PCCA: variants seen among roughly 807,000 people sequenced by gnomAD.
PCCA encodes propionyl-CoA carboxylase alpha chain, mitochondrial.
In PCCA, 74 loss-of-function variants were observed where a neutral mutation model predicts 101.3. The ratio of observed to expected loss-of-function variants is 0.73; its 90% confidence interval spans 0.61 to 0.89. The LOEUF (loss-of-function observed/expected upper bound fraction) is 0.89, where lower values mean the gene tolerates loss of function less well. PCCA is among the 40% of genes least tolerant of loss of function. The pLI is 0.00. For missense variants in PCCA, 891 were observed against 907.0 expected, an observed-to-expected ratio of 0.98 and a Z score of 0.23; for synonymous variants, 294 against 313.6, an observed-to-expected ratio of 0.94 and a Z score of 0.66.
chr13:100,111,673 G>A (rs1345725166), intron 2 of PCCA, among the ~76,000 whole-genome samples, 168 bp from the exon 3 acceptor site: 1 of 152,046 alleles, frequency 6.6e-6, no homozygotes. Context: ...AGTATTTATA[G>A]TACATTTAAT....
At chr13:100,309,969 C>T in intron 16 of PCCA, 61 bp downstream of exon 16, 1 of 1,196,060 alleles carries the variant, frequency 8.4e-7, no homozygotes, top group Non-Finnish European at 1.3e-6. Context: ...CAGAGAACAG[C>T]CTGGGGGTTT....
chr13:100,514,724 G>A (rs1199513110), intron 21 of PCCA, among the ~76,000 whole-genome samples: 6 of 152,120 alleles, frequency 3.9e-5, no homozygotes, highest in Admixed American at 6.5e-5. Flanking sequence ...TTGTCTGTGC[G>A]TATTTTCCAT....
At chr13:100,413,619 T>A (rs2078183830) in intron 19 of PCCA, among the ~76,000 whole-genome samples, 1 of 152,176 alleles carries the variant, frequency 6.6e-6, no homozygotes, top group South Asian at 2.1e-4. Context: ...GAGGGCTTAT[T>A]ATGTACTAGG....
At chr13:100,125,049 GATC>G (rs2049813423) in intron 4 of PCCA, among the ~76,000 whole-genome samples, 1 of 152,048 alleles carries the variant, frequency 6.6e-6, no homozygotes, top group Non-Finnish European at 1.5e-5. Context: ...GCCTATCACT[GATC>G]CTCAAATAGG....
chr13:100,182,328 C>G (rs2056877992), intron 6 of PCCA, among the ~76,000 whole-genome samples: 1 of 151,994 alleles, frequency 6.6e-6, no homozygotes, highest in Non-Finnish European at 1.5e-5. Context: ...AACTCCTGAC[C>G]TCAGGTGATC....
At chr13:100,441,002 A>C (rs1174340583) in intron 20 of PCCA, among the ~76,000 whole-genome samples, 1 of 152,198 alleles carries the variant, frequency 6.6e-6, no homozygotes, top group Non-Finnish European at 1.5e-5. Flanking sequence ...TATGGTATAA[A>C]GTATTAATTT....
At chr13:100,319,116 G>T (rs2067711714) in intron 16 of PCCA, among the ~76,000 whole-genome samples, 1 of 152,148 alleles carries the variant, frequency 6.6e-6, no homozygotes, top group Non-Finnish European at 1.5e-5. Context: ...TTTGTCTGTT[G>T]GCTGCATAAA....
chr13:100,469,226 A>AAAAAAAAAAAAAAAAAAAAAAAAAAAC (rs2082784826), intron 21 of PCCA, among the ~76,000 whole-genome samples: 1 of 150,646 alleles, frequency 6.6e-6, no homozygotes, highest in Non-Finnish European at 1.5e-5. Context: ...AAAAAAAAAA[A>AAAAAAAAAAAAAAAAAAAAAAAAAAAC]AGAATCCCTT....
chr13:100,241,917 G>T (rs2061162734), intron 8 of PCCA, among the ~76,000 whole-genome samples: 1 of 152,070 alleles, frequency 6.6e-6, no homozygotes, highest in Admixed American at 6.6e-5. Flanking sequence ...AAATTGCTGG[G>T]TTATATGGTA....
rs2059062697 is a variant in PCCA at position 100,209,324 on chromosome 13, C to T, written c.469-8C>T. ...TTGTTATAAATTTTGACTTGTTTTTCTCCACAGGCAGCAGAAGATGTCGTT... is the reference window on the plus strand; with the variant it reads ...TTGTTATAAATTTTGACTTGTTTTTTTCCACAGGCAGCAGAAGATGTCGTT... On this transcript the variant is annotated splice_region_variant and splice_polypyrimidine_tract_variant and intron_variant, in intron 6 of 23. Coordinates refer to ENST00000376285, the MANE Select transcript of PCCA (RefSeq NM_000282.4). The T allele has an allele frequency of 6.2e-7, 1 of 1,612,932 alleles. No individual in the cohort carries two copies. Among genetic ancestry groups the T allele is most frequent in the South Asian group, 1.1e-5 (1 of 91,038 alleles).
intron 21 of PCCA, among the ~76,000 whole-genome samples, chr13:100,507,920 T>A (rs2086203760): frequency 1.3e-5 from 2 of 152,194 alleles, no homozygotes; most frequent in African/African-American, 4.8e-5. Flanking sequence ...CCTCCCAAAG[T>A]GCTGGGATTA....
At chr13:100,253,158 T>G (rs946839978) in intron 8 of PCCA, among the ~76,000 whole-genome samples, 1 of 152,202 alleles carries the variant, frequency 6.6e-6, no homozygotes, top group African/African-American at 2.4e-5. Flanking sequence ...ATACATGCAC[T>G]TATTTATTTA....
At position 100,285,995 on chromosome 13, in the gene PCCA, G is replaced by A. The variant is rs1285308073; in HGVS notation, c.1065+12649G>A. On this transcript the variant is annotated intron_variant, in intron 12 of 23. Coordinates refer to ENST00000376285, the MANE Select transcript of PCCA (RefSeq NM_000282.4). ...TCTCCCCACCACCAAAAGTTGAGAA[G>A]GGGCAGATATGCCAGCAACTCTTCT... Among the ~76,000 whole-genome samples the A allele has an allele frequency of 2.6e-5, 4 of 152,142 alleles. No homozygotes were observed. The East Asian group carries it at 7.7e-4, about 29-fold the overall frequency.
intron 7 of PCCA, among the ~76,000 whole-genome samples, chr13:100,228,630 G>T (rs1289967868): frequency 6.6e-6 from 1 of 151,828 alleles, no homozygotes; most frequent in Non-Finnish European, 1.5e-5. Context: ...GGGCGCGGTG[G>T]CTCACTCCTG....
intron 21 of PCCA, among the ~76,000 whole-genome samples, chr13:100,501,338 A>G (rs2085652967): frequency 1.3e-5 from 2 of 152,166 alleles, no homozygotes; most frequent in Non-Finnish European, 2.9e-5. Flanking sequence ...GGTACCCATT[A>G]AGTAATTTCT....
intron 12 of PCCA, among the ~76,000 whole-genome samples, chr13:100,290,638 A>T (rs1027422091): frequency 6.6e-6 from 1 of 152,066 alleles, no homozygotes; most frequent in African/African-American, 2.4e-5. Flanking sequence ...AGGTTTAAGT[A>T]TTGCTTCATT....
chr13:100,283,197 C>T lies in PCCA; in HGVS notation c.1065+9851C>T, dbSNP rs574563653. On this transcript the variant is annotated intron_variant, in intron 12 of 23. Transcript: ENST00000376285. The stretch of plus-strand genomic sequence containing the variant: ...ACCTTGGCCTTTAATGTAAAGAATG[C>T]GGCTTTAGCTGCAGCCCAAGAGTTT... 7.0e-4 allele frequency among the ~76,000 whole-genome samples: 106 copies of T among 152,202 alleles called. 1 individual carries two copies. The highest frequency in any genetic ancestry group is 2.2e-3 in the African/African-American group (90 of 41,512).
rs1469478686 is a variant in PCCA, at chr13:100,394,789, A to AT, written c.1746+26221dup. On this transcript the variant is annotated intron_variant, in intron 19 of 23. Coordinates refer to ENST00000376285, the MANE Select transcript of PCCA (RefSeq NM_000282.4). The surrounding 1 kb of genome is among the most constrained non-coding windows in gnomAD (Gnocchi z 4.3). Reference sequence around the variant, plus strand: ...TTAAAAAATATGTCCTACTACTAATATTTTTTAAATTATCCCTAAACCTTC... The same window carrying AT: ...TTAAAAAATATGTCCTACTACTAATATTTTTTTAAATTATCCCTAAACCTTC... Among the ~76,000 whole-genome samples the AT allele has an allele frequency of 1.3e-5, 2 of 152,198 alleles. No homozygotes were observed. Among genetic ancestry groups the AT allele is most frequent in the Non-Finnish European group, 2.9e-5 (2 of 68,036 alleles).
At chr13:100,524,939 TTAGATAGGA>T (rs775811532) in intron 22 of PCCA, among the ~76,000 whole-genome samples, 14 of 151,228 alleles carry the variant, frequency 9.3e-5, no homozygotes, top group South Asian at 4.2e-4. Context: ...ATAAAATAGA[TTAGATAGGA>T]TAGATAGGAT....
Sources: gnomAD v4.1 joint callset for allele counts (sites outside exome capture counted in the v4.1 genomes callset) on GRCh38, gnomAD v4.1.1 for gene constraint, Gnocchi (gnomAD v3.1) non-coding constraint, MANE v1.5 for transcripts, NCBI Gene and HGNC (gene_info 2026-07-23, HGNC 2026-07-21) for gene names.